THEMIS: variants seen among roughly 807,000 people sequenced by gnomAD.
THEMIS encodes the protein protein THEMIS.
Under a neutral mutation model 52.6 loss-of-function variants are expected in THEMIS, and 37 were observed. The observed-to-expected ratio is 0.70, with a 90% confidence interval of 0.54 to 0.93. The LOEUF is 0.93. Ranked by LOEUF, THEMIS falls within the 40% of genes least tolerant of loss-of-function variation. The pLI, the probability that THEMIS is intolerant of heterozygous loss-of-function variation, is 0.00. For synonymous variants in THEMIS, 292 were observed against 272.7 expected, an observed-to-expected ratio of 1.07 and a Z score of -0.70; for missense variants, 808 against 763.1, an observed-to-expected ratio of 1.06 and a Z score of -0.69.
intron 4 of THEMIS, among the ~76,000 whole-genome samples, chr6:127,720,069 T>C (rs1774311454): frequency 6.6e-6 from 1 of 151,964 alleles, no homozygotes. Flanking sequence ...GCAAAGACTA[T>C]TTGTGTATAT....
intron 4 of THEMIS, among the ~76,000 whole-genome samples, chr6:127,734,909 ATATATG>A (rs1361650848): frequency 3.2e-4 from 42 of 129,424 alleles, no homozygotes; most frequent in African/African-American, 1.2e-3. Context: ...ATATATATAT[ATATATG>A]TGTGTGTGTG....
intron 1 of THEMIS, among the ~76,000 whole-genome samples, chr6:127,907,617 A>G (rs1781308848): frequency 2.0e-5 from 3 of 151,886 alleles, no homozygotes; most frequent in Admixed American, 2.0e-4. Flanking sequence ...GGATTTTATT[A>G]GGCAGTTGTC....
intron 4 of THEMIS, among the ~76,000 whole-genome samples, chr6:127,724,787 CACAA>C (rs987617469): frequency 4.6e-5 from 7 of 151,832 alleles, no homozygotes; most frequent in African/African-American, 1.7e-4. Context: ...ATATTTGTCT[CACAA>C]ACAAAGAAAG....
intron 1 of THEMIS, among the ~76,000 whole-genome samples, chr6:127,879,578 G>C (rs1020668441): frequency 6.9e-6 from 1 of 144,814 alleles, no homozygotes; most frequent in Non-Finnish European, 1.5e-5. Flanking sequence ...AAATGTCTCT[G>C]TAAAATGAGA....
chr6:127,855,274 T>A, intron 1 of THEMIS, 86 bp from the exon 2 acceptor site: 1 of 1,163,034 alleles, frequency 8.6e-7, no homozygotes, highest in Non-Finnish European at 1.2e-6. Flanking sequence ...ATAAAGTGTT[T>A]TAATTCAGTT....
chr6:127,819,140 A>AAAAAAAAAAAAAAAT, intron 3 of THEMIS, among the ~76,000 whole-genome samples: 1 of 149,714 alleles, frequency 6.7e-6, no homozygotes, highest in African/African-American at 2.4e-5. Flanking sequence ...AAAAAAAAAA[A>AAAAAAAAAAAAAAAT]AAAAAAAAAG....
rs1778466558 is a variant in THEMIS at position 127,825,176 on chromosome 6, A to ATGGGAATT, written c.709+4299_709+4300insAATTCCCA. ...TAGAAAAGAAAAAAGGCCCTAGAAG[A>ATGGGAATT]TCAGTATGGGAATTTCAGTATGAGA... is the stretch of plus-strand genomic sequence containing the variant. On this transcript the variant is annotated intron_variant, in intron 3 of 5. Transcript: ENST00000368248. Among the ~76,000 whole-genome samples the ATGGGAATT allele has an allele frequency of 3.9e-5, 6 of 152,244 alleles. No individual in the cohort carries two copies. In the East Asian group the frequency reaches 9.6e-4, roughly 24 times the overall value.
In THEMIS at chr6:127,900,830, G is replaced by A. The variant is rs1781114460; in HGVS notation, c.91+12C>T. Reference sequence around the variant, plus strand: ...AATGTTCTAGCCAGTAAAGGTATTGGAGAGTGCTTACCTTCAAGATAGATG... The same window carrying A: ...AATGTTCTAGCCAGTAAAGGTATTGAAGAGTGCTTACCTTCAAGATAGATG... On this transcript the variant is annotated intron_variant, in intron 1 of 5. Coordinates refer to ENST00000368248, the MANE Select transcript of THEMIS (RefSeq NM_001010923.3). 1 of 1,607,866 alleles carries A rather than the reference G, an allele frequency of 6.2e-7. No homozygotes were observed. Among genetic ancestry groups the A allele is most frequent in the Admixed American group, 1.7e-5 (1 of 59,850 alleles).
At chr6:127,872,504 G>A (rs1780187410) in intron 1 of THEMIS, among the ~76,000 whole-genome samples, 1 of 152,278 alleles carries the variant, frequency 6.6e-6, no homozygotes, top group East Asian at 1.9e-4. Flanking sequence ...AGAGGTTGCA[G>A]TGAGCCGAGA....
At chr6:127,791,584 C>T (rs1777159377) in intron 4 of THEMIS, among the ~76,000 whole-genome samples, 1 of 152,162 alleles carries the variant, frequency 6.6e-6, no homozygotes, top group African/African-American at 2.4e-5. Flanking sequence ...CCGTCCCTGG[C>T]CTGAAGATGG....
chr6:127,835,915 C>A (rs1583332638), intron 2 of THEMIS, among the ~76,000 whole-genome samples: 1 of 152,066 alleles, frequency 6.6e-6, no homozygotes, highest in East Asian at 1.9e-4. Context: ...ATTTAACCAT[C>A]ATAATTTTAT....
intron 4 of THEMIS, among the ~76,000 whole-genome samples, chr6:127,758,851 T>C (rs1254138859): frequency 6.6e-6 from 1 of 152,136 alleles, no homozygotes; most frequent in Non-Finnish European, 1.5e-5. Flanking sequence ...ATCAGAATTA[T>C]AATAAAAGTT....
At chr6:127,746,762 A>C (rs1321281908) in intron 4 of THEMIS, among the ~76,000 whole-genome samples, 1 of 75,936 alleles carries the variant, frequency 1.3e-5, no homozygotes, top group South Asian at 4.0e-4. Context: ...ATATATTATT[A>C]TATAATTATA....
At position 127,709,992 on chromosome 6, in the gene THEMIS, T is replaced by C; in HGVS notation, c.1919A>G (p.Gln640Arg). The C allele has an allele frequency of 6.3e-7, 1 of 1,589,664 alleles. No homozygotes were observed. Among genetic ancestry groups the C allele is most frequent in the South Asian group, 1.2e-5 (1 of 86,590 alleles). ...GGCTTCTGTCACATCTTGTTATTTT[T>C]GATGTTTTTCATTTTTGAATGTTTC... ...IAETFKNEKH[Q>R]K Residue 640 changes from glutamine to arginine, a missense_variant, in exon 6 of 6, where the codon CAA becomes CGA. Transcript: ENST00000368248.
At chr6:127,756,261 T>C (rs1481641086) in intron 4 of THEMIS, among the ~76,000 whole-genome samples, 1 of 152,182 alleles carries the variant, frequency 6.6e-6, no homozygotes, top group East Asian at 1.9e-4. Context: ...CAAATTCAAC[T>C]ATAAAATCAT....
intron 1 of THEMIS, among the ~76,000 whole-genome samples, chr6:127,867,946 T>G (rs1212448902): frequency 6.6e-6 from 1 of 151,546 alleles, no homozygotes; most frequent in Non-Finnish European, 1.5e-5. Context: ...ACACACACAA[T>G]TTTCTTTCTT....
intron 4 of THEMIS, among the ~76,000 whole-genome samples, chr6:127,799,293 G>C (rs961638939): frequency 4.6e-5 from 7 of 152,114 alleles, no homozygotes; most frequent in African/African-American, 1.4e-4. Context: ...GACTAGTTAA[G>C]AGATGGTCTC....
chr6:127,914,620 T>C (rs1781481320), intron 1 of THEMIS, among the ~76,000 whole-genome samples: 1 of 152,172 alleles, frequency 6.6e-6, no homozygotes, highest in African/African-American at 2.4e-5. Context: ...TCTAGACATA[T>C]CTAAACATAG....
intron 4 of THEMIS, among the ~76,000 whole-genome samples, chr6:127,734,419 C>T (rs1159459869): frequency 6.6e-6 from 1 of 152,056 alleles, no homozygotes; most frequent in East Asian, 1.9e-4. Context: ...CAAAATTGGT[C>T]CTGAGTTAAC....
Sources: allele counts gnomAD v4.1 joint callset (sites outside exome capture counted in the v4.1 genomes callset), GRCh38; gene constraint gnomAD v4.1.1; transcripts MANE v1.5; gene names NCBI Gene and HGNC (gene_info 2026-07-23, HGNC 2026-07-21).